The following ATP6V0E2 variants were observed in gnomAD, a reference collection of about 807,000 sequenced individuals.
The protein encoded by ATP6V0E2 is V-type proton ATPase subunit e 2.
ATP6V0E2 carries 4 observed loss-of-function variants against 11.5 expected under a neutral mutation model. That is an observed-to-expected ratio of 0.35 (90% confidence interval 0.17 to 0.80). The LOEUF (loss-of-function observed/expected upper bound fraction) is 0.80, where lower values mean the gene tolerates loss of function less well. Among genes scored for constraint, ATP6V0E2 ranks in the 30% least tolerant of loss-of-function variants. The pLI is 0.53. For missense variants in ATP6V0E2, 93 were observed against 113.5 expected (o/e 0.82, Z 0.82); for synonymous variants, 52 against 51.0 (o/e 1.02, Z -0.09).
At chr7:149,877,111 A>G (rs887912426) in intron 2 of ATP6V0E2, among the ~76,000 whole-genome samples, 4 of 111,910 alleles carry the variant, frequency 3.6e-5, no homozygotes, top group Non-Finnish European at 7.8e-5. Flanking sequence ...TATGGTCTCA[A>G]ACTCCTGGGC....
intron 2 of ATP6V0E2, among the ~76,000 whole-genome samples, chr7:149,877,536 A>G (rs1463985520): frequency 6.6e-6 from 1 of 150,556 alleles, no homozygotes; most frequent in Non-Finnish European, 1.5e-5. Context: ...AATGATGACT[A>G]TTAACACATG....
intron 2 of ATP6V0E2, among the ~76,000 whole-genome samples, chr7:149,877,466 G>A (rs1472701595): frequency 2.0e-5 from 3 of 151,726 alleles, no homozygotes; most frequent in Non-Finnish European, 4.4e-5. Flanking sequence ...ACAGGTACAC[G>A]CCACTGCACC....
chr7:149,875,874 C>A, intron 2 of ATP6V0E2: 1 of 685,240 alleles, frequency 1.5e-6, no homozygotes. Flanking sequence ...TTCTGGCCCC[C>A]ATGGGCTGTA....
Position 149,879,604 on chromosome 7 carries a change from C to A in ATP6V0E2, c.*289C>A. ...GTTTGCCCTCTTTCCCAAGGAGATGCTGCTGGGGAGCTGGTATGGGTGGGG... is the reference window on the plus strand; with the variant it reads ...GTTTGCCCTCTTTCCCAAGGAGATGATGCTGGGGAGCTGGTATGGGTGGGG... On this transcript the variant is annotated 3_prime_UTR_variant, in exon 4 of 4. Coordinates refer to ENST00000425642, the MANE Select transcript of ATP6V0E2 (RefSeq NM_145230.4). The A allele has an allele frequency of 6.8e-7, 1 of 1,477,430 alleles. No individual in the cohort carries two copies. The highest frequency in any genetic ancestry group is 1.5e-5 in the South Asian group (1 of 67,880). The allele number at this position is 1,477,430 out of a possible 1,614,324, so 91.5% of individuals were successfully genotyped here.
At chr7:149,874,316 C>A in intron 1 of ATP6V0E2, 147 bp downstream of exon 1, 1 of 1,085,282 alleles carries the variant, frequency 9.2e-7, no homozygotes, top group Non-Finnish European at 1.3e-6. Flanking sequence ...TCTGAGGTCT[C>A]TCTGCACCTG....
At chr7:149,877,578 T>TC (rs58532248) in intron 2 of ATP6V0E2, among the ~76,000 whole-genome samples, 7 of 147,832 alleles carry the variant, frequency 4.7e-5, no homozygotes, top group African/African-American at 1.3e-4. Flanking sequence ...TTTTTTTTTT[T>TC]CAAAATTCTT....
chr7:149,877,286 C>G (rs1338245638), intron 2 of ATP6V0E2, among the ~76,000 whole-genome samples: 2 of 152,282 alleles, frequency 1.3e-5, no homozygotes. Context: ...ACCTTCTGGG[C>G]TCAAGCCATC....
At chr7:149,876,628 C>T (rs1052811072) in intron 2 of ATP6V0E2, among the ~76,000 whole-genome samples, 3 of 152,236 alleles carry the variant, frequency 2.0e-5, no homozygotes, top group African/African-American at 7.2e-5. Context: ...CCTGCGGTTA[C>T]ATTGCTCCAT....
chr7:149,879,185 ACCCTAACCTGGG>A (rs1209454099), intron 3 of ATP6V0E2, 138 bp from the exon 4 acceptor site: 3 of 1,398,638 alleles, frequency 2.1e-6, no homozygotes, highest in Non-Finnish European at 2.8e-6. Flanking sequence ...CCAAGGCAAG[ACCCTAACCTGGG>A]CCCTAACCTG....
In ATP6V0E2 at chr7:149,880,600, C is replaced by G. The variant is rs960202786; in HGVS notation, c.*1285C>G. On this transcript the variant is annotated 3_prime_UTR_variant, in exon 4 of 4. Transcript: ENST00000425642. ...GACATCCTCCCCCTACACTCCCTCT[C>G]TGAGCCTCCGTCGCCCCTCCTGTTG... 1 of 152,488 alleles carries G rather than the reference C, an allele frequency of 6.6e-6. No homozygotes were observed. Among genetic ancestry groups the G allele is most frequent in the Admixed American group, 6.5e-5 (1 of 15,294 alleles). The allele number at this position is 152,488 out of a possible 1,614,324, so 9.4% of individuals were successfully genotyped here. A position where few individuals can be genotyped will look rare whatever the true frequency, so the allele number is the denominator to read the frequency against.
chr7:149,880,089 G>T lies in ATP6V0E2; in HGVS notation c.*774G>T, dbSNP rs866875974. The stretch of plus-strand genomic sequence containing the variant: ...ACTTGGGCTTTTGGCTGCAGTGGGG[G>T]TGGATTTCAGAGCCTCTCATGGCAG... On this transcript the variant is annotated 3_prime_UTR_variant, in exon 4 of 4. Coordinates refer to ENST00000425642, the MANE Select transcript of ATP6V0E2 (RefSeq NM_145230.4). The T allele has an allele frequency of 1.7e-4, 27 of 159,088 alleles. 1 individual carries two copies. The highest frequency in any genetic ancestry group is 1.3e-4 in the Admixed American group (2 of 15,436). 9.9% of individuals were successfully genotyped at this position (159,088 alleles called of 1,614,324 possible).
chr7:149,873,845 G>T (rs1003111054), upstream of ATP6V0E2: 4 of 1,444,616 alleles, frequency 2.8e-6, no homozygotes, highest in African/African-American at 1.4e-5. Flanking sequence ...CTCTGTCCGC[G>T]GCCCTGCTCA....
intron 2 of ATP6V0E2, among the ~76,000 whole-genome samples, chr7:149,876,969 T>C (rs1191805710): frequency 6.6e-6 from 1 of 152,234 alleles, no homozygotes; most frequent in Non-Finnish European, 1.5e-5. Flanking sequence ...GATTTAAGAT[T>C]TGATGTTATC....
upstream of ATP6V0E2, chr7:149,873,842 C>T (rs906066829): frequency 9.7e-6 from 14 of 1,444,080 alleles, no homozygotes; most frequent in East Asian, 3.3e-4. Flanking sequence ...TCTCTCTGTC[C>T]GCGGCCCTGC....
intron 2 of ATP6V0E2, among the ~76,000 whole-genome samples, chr7:149,876,779 A>C (rs1308284956): frequency 2.0e-5 from 3 of 152,150 alleles, no homozygotes; most frequent in Non-Finnish European, 2.9e-5. Context: ...TTTATGGGTT[A>C]AGCTTGGCAT....
intron 1 of ATP6V0E2, 112 bp from the exon 2 acceptor site, chr7:149,875,486 G>A (rs1803075489): frequency 6.7e-6 from 7 of 1,042,504 alleles, no homozygotes; most frequent in Admixed American, 5.1e-5. Flanking sequence ...GGAGGCATCA[G>A]GAAGGCCAAT....
At chr7:149,875,508 C>T in intron 1 of ATP6V0E2, 90 bp from the exon 2 acceptor site, 1 of 1,324,174 alleles carries the variant, frequency 7.6e-7, no homozygotes, top group Non-Finnish European at 1.1e-6. Context: ...GAAAAGAGCT[C>T]ACACCAGGAG....
At position 149,879,389 on chromosome 7, in the gene ATP6V0E2, C is replaced by G; in HGVS notation, c.*74C>G. 6.3e-7 allele frequency: 1 copy of G among 1,594,156 alleles called. No homozygotes were observed. Among genetic ancestry groups the G allele is most frequent in the Non-Finnish European group, 8.5e-7 (1 of 1,170,736 alleles). On this transcript the variant is annotated 3_prime_UTR_variant, in exon 4 of 4. Transcript: ENST00000425642. ...CACTGTCCCTGACAACCCCTTCGTC[C>G]GGACCCTCCCCCACACAACTATGTC...
At position 149,874,031 on chromosome 7, in the gene ATP6V0E2, G is replaced by C. The variant is rs528494913; in HGVS notation, c.-35G>C. 4.5e-6 allele frequency: 7 copies of C among 1,549,092 alleles called. No homozygotes were observed. Among genetic ancestry groups the C allele is most frequent in the Non-Finnish European group, 6.1e-6 (7 of 1,146,584 alleles). ...GCGCACCTGCAGCGCCCGCTGCTCG[G>C]CCCTGCATCCTGCCTGGGCATCCTG... On this transcript the variant is annotated 5_prime_UTR_variant, in exon 1 of 4. Coordinates refer to ENST00000425642, the MANE Select transcript of ATP6V0E2 (RefSeq NM_145230.4).
Sources: allele counts gnomAD v4.1 joint callset (sites outside exome capture counted in the v4.1 genomes callset), GRCh38; gene constraint gnomAD v4.1.1; transcripts MANE v1.5; gene names NCBI Gene and HGNC (gene_info 2026-07-23, HGNC 2026-07-21).